PIK3C2G: variants seen among roughly 807,000 people sequenced by gnomAD.
PIK3C2G encodes the protein phosphatidylinositol 3-kinase C2 domain-containing subunit gamma.
Under a neutral mutation model 181.1 loss-of-function variants are expected in PIK3C2G, and 168 were observed. That is an observed-to-expected ratio of 0.93 (90% CI 0.82 to 1.05). The LOEUF (loss-of-function observed/expected upper bound fraction) is 1.05, where lower values mean the gene tolerates loss of function less well. Ranked by LOEUF, PIK3C2G falls within the 50% of genes least tolerant of loss-of-function variation. PIK3C2G has a pLI of 0.00. For synonymous variants in PIK3C2G, 573 were observed against 592.2 expected, an observed-to-expected ratio of 0.97 and a Z score of 0.47; for missense variants, 1,869 against 1,732.8, an observed-to-expected ratio of 1.08 and a Z score of -1.40.
chr12:18,491,612 G>A, intron 20 of PIK3C2G, 54 bp downstream of exon 20: 5 of 1,018,890 alleles, frequency 4.9e-6, no homozygotes, highest in Non-Finnish European at 7.5e-6. Context: ...GTATAGTTTA[G>A]TTCATTGTAT....
At chr12:18,246,786 T>A (rs1333602320), upstream of PIK3C2G, among the ~76,000 whole-genome samples, 4 of 152,204 alleles carry the variant, frequency 2.6e-5, no homozygotes, top group African/African-American at 9.6e-5. Context: ...TGGAATTGTC[T>A]TGTGGACAGG....
chr12:18,468,245 C>T (rs922737807), intron 18 of PIK3C2G, among the ~76,000 whole-genome samples: 6 of 152,016 alleles, frequency 3.9e-5, no homozygotes, highest in Non-Finnish European at 7.4e-5. Context: ...CTCACAAGAA[C>T]TGAGATTGCT....
At chr12:18,582,994 G>A (rs1029533441) in intron 29 of PIK3C2G, among the ~76,000 whole-genome samples, 2 of 152,106 alleles carry the variant, frequency 1.3e-5, no homozygotes, top group African/African-American at 4.8e-5. Flanking sequence ...AGCTGTTGTT[G>A]TTTTCAGGTG....
At chr12:18,503,628 G>A (rs763438385) in intron 23 of PIK3C2G, among the ~76,000 whole-genome samples, 2 of 151,984 alleles carry the variant, frequency 1.3e-5, no homozygotes, top group Non-Finnish European at 2.9e-5. Context: ...GAAATTCCTG[G>A]TTATCAATAA....
intron 24 of PIK3C2G, among the ~76,000 whole-genome samples, chr12:18,520,143 C>T (rs139749252): frequency 0.026 from 3,994 of 151,964 alleles, 99 homozygotes; most frequent in African/African-American, 0.064. Context: ...TCTGGTTGCC[C>T]TTAACATTTT....
chr12:18,435,658 T>G (rs2135790089), intron 18 of PIK3C2G, among the ~76,000 whole-genome samples: 1 of 152,262 alleles, frequency 6.6e-6, no homozygotes, highest in Middle Eastern at 3.4e-3. Flanking sequence ...TAAGCCTTTC[T>G]ACATCCAAAT....
At chr12:18,312,695 G>A (rs1281418894) in intron 5 of PIK3C2G, among the ~76,000 whole-genome samples, 1 of 152,042 alleles carries the variant, frequency 6.6e-6, no homozygotes, top group Non-Finnish European at 1.5e-5. Context: ...ATACCCCAGG[G>A]ACAAGAATCT....
chr12:18,410,517 A>C (rs1357610302), intron 16 of PIK3C2G, among the ~76,000 whole-genome samples: 1 of 149,718 alleles, frequency 6.7e-6, no homozygotes, highest in Non-Finnish European at 1.5e-5. Context: ...AAAGAAAAAA[A>C]AAAAAAAAAA....
At chr12:18,717,290 C>T in the PIK3C2G span, among the ~76,000 whole-genome samples, 1 of 151,722 alleles carries the variant, frequency 6.6e-6, no homozygotes, top group Non-Finnish European at 1.5e-5. Flanking sequence ...GAAATTATAG[C>T]TATAAATTGG....
At chr12:18,448,389 T>C (rs1947149498) in intron 18 of PIK3C2G, among the ~76,000 whole-genome samples, 1 of 152,198 alleles carries the variant, frequency 6.6e-6, no homozygotes, top group African/African-American at 2.4e-5. Flanking sequence ...CACATAGTTA[T>C]GGTCCATTTT....
chr12:18,686,534 A>G, the PIK3C2G span, among the ~76,000 whole-genome samples: 1 of 151,492 alleles, frequency 6.6e-6, no homozygotes, highest in Non-Finnish European at 1.5e-5. Flanking sequence ...TGGTATGTTT[A>G]AATTGTATTT....
chr12:18,577,463 C>T (rs986229423), intron 29 of PIK3C2G, among the ~76,000 whole-genome samples: 4 of 152,070 alleles, frequency 2.6e-5, no homozygotes, highest in African/African-American at 4.8e-5. Flanking sequence ...TCAGTATTTA[C>T]GGAAAGCAAG....
At chr12:18,600,338 A>G (rs913885626) in intron 30 of PIK3C2G, among the ~76,000 whole-genome samples, 3 of 152,060 alleles carry the variant, frequency 2.0e-5, no homozygotes, top group Middle Eastern at 3.2e-3. Flanking sequence ...GATTACAGAA[A>G]AAATTTGCAA....
At chr12:18,627,669 G>A (rs770153297) in intron 31 of PIK3C2G, among the ~76,000 whole-genome samples, 16 of 152,192 alleles carry the variant, frequency 1.1e-4, no homozygotes, top group South Asian at 2.1e-4. Flanking sequence ...AAATCATATC[G>A]CAAGTGCTTT....
At chr12:18,518,596 T>A (rs1438198186) in intron 24 of PIK3C2G, among the ~76,000 whole-genome samples, 1 of 152,178 alleles carries the variant, frequency 6.6e-6, no homozygotes, top group Non-Finnish European at 1.5e-5. Context: ...TTTATCACTT[T>A]TTATTGTGTC....
intron 18 of PIK3C2G, among the ~76,000 whole-genome samples, chr12:18,427,408 G>A (rs1468452874): frequency 6.7e-6 from 1 of 150,264 alleles, no homozygotes; most frequent in African/African-American, 2.4e-5. Flanking sequence ...TCAGGAGGCT[G>A]AGGCAGGAGA....
intron 24 of PIK3C2G, among the ~76,000 whole-genome samples, chr12:18,533,745 T>C (rs1425635841): frequency 3.9e-5 from 6 of 152,008 alleles, no homozygotes; most frequent in African/African-American, 1.2e-4. Context: ...ATCTCCCTGA[T>C]TAGATTCAAT....
chr12:18,259,416 C>A (rs1312623126), upstream of PIK3C2G, among the ~76,000 whole-genome samples: 1 of 151,930 alleles, frequency 6.6e-6, no homozygotes, highest in Non-Finnish European at 1.5e-5. Context: ...ACTGGCAGAG[C>A]GAGTGTTGAA....
In PIK3C2G at chr12:18,620,527, C is replaced by T. The variant is rs2417704; in HGVS notation, c.4182+10898C>T. Among the ~76,000 whole-genome samples the T allele has an allele frequency of 3.6e-3, 538 of 148,168 alleles. 2 individuals are homozygous for T. The highest frequency in any genetic ancestry group is 4.8e-3 in the Non-Finnish European group (321 of 67,066). ...ACAGATAGATAAATGATTAGACAGA[C>T]AGATAGATAGATAGATAGATAGATA... On this transcript the variant is annotated intron_variant, in intron 31 of 32. Coordinates refer to ENST00000538779, the MANE Select transcript of PIK3C2G (RefSeq NM_001288772.2).
Sources: allele counts gnomAD v4.1 joint callset (sites outside exome capture counted in the v4.1 genomes callset), GRCh38; gene constraint gnomAD v4.1.1; transcripts MANE v1.5; gene names NCBI Gene and HGNC (gene_info 2026-07-23, HGNC 2026-07-21).